The following LTF variants were observed in gnomAD, a reference collection of about 807,000 sequenced individuals.
LTF encodes the protein epididymis luminal protein 110.
LTF carries 91 observed loss-of-function variants against 87.2 expected under a neutral mutation model. That is an observed-to-expected ratio of 1.04 (90% CI 0.88 to 1.24). LTF has a LOEUF of 1.24. LTF is among the 50% of genes most tolerant of loss of function. LTF has a pLI of 0.00. For missense variants in LTF, 901 were observed against 904.3 expected (o/e 1.00, Z 0.05); for synonymous variants, 378 against 356.1 (o/e 1.06, Z -0.69).
upstream of LTF, among the ~76,000 whole-genome samples, chr3:46,466,272 A>G (rs1363687353): frequency 1.3e-5 from 2 of 152,158 alleles, no homozygotes; most frequent in East Asian, 3.9e-4. Flanking sequence ...AACTAAGTGA[A>G]GAAAAAAGGT....
intron 1 of LTF, among the ~76,000 whole-genome samples, chr3:46,461,808 CA>C (rs1397648641): frequency 6.6e-6 from 1 of 152,018 alleles, no homozygotes; most frequent in Non-Finnish European, 1.5e-5. Context: ...AAGCTGTTAC[CA>C]AAAACTAAAA....
chr3:46,444,351 T>G (rs921167447), intron 12 of LTF, among the ~76,000 whole-genome samples: 1 of 152,256 alleles, frequency 6.6e-6, no homozygotes, highest in Admixed American at 6.5e-5. Context: ...CTGTCTTGTT[T>G]AAGCCTCTAC....
chr3:46,465,309 A>G (rs1335840563), upstream of LTF: 1 of 182,298 alleles, frequency 5.5e-6, no homozygotes, highest in African/African-American at 2.4e-5. Context: ...CCTAGGAGCC[A>G]GTTAGGGCAG....
rs776736291 is a variant in LTF at position 46,459,647 on chromosome 3, T to C, written c.207+9A>G. On this transcript the variant is annotated intron_variant, in intron 2 of 16. Coordinates refer to ENST00000231751, the MANE Select transcript of LTF (RefSeq NM_002343.6). Reference sequence around the variant, plus strand: ...GCTTGGTCCCAACCAACACCCGGCATTGACTCACCGCAATGGCCTGGATAC... The same window carrying C: ...GCTTGGTCCCAACCAACACCCGGCACTGACTCACCGCAATGGCCTGGATAC... The C allele has an allele frequency of 6.9e-7, 1 of 1,439,164 alleles. No homozygotes were observed. The highest frequency in any genetic ancestry group is 1.6e-5 in the South Asian group (1 of 62,784). The allele number at this position is 1,439,164 out of a possible 1,614,324, so 89.1% of individuals were successfully genotyped here.
At chr3:46,448,659 C>T (rs1376750188) in intron 9 of LTF, among the ~76,000 whole-genome samples, 6 of 152,182 alleles carry the variant, frequency 3.9e-5, no homozygotes, top group African/African-American at 1.4e-4. Flanking sequence ...CTGAGTTGTT[C>T]TTATAACCAG....
rs1407889055 is a variant in LTF at position 46,455,983 on chromosome 3, A to C, written c.317-5T>G. 2.6e-6 allele frequency: 4 copies of C among 1,566,382 alleles called. No individual in the cohort carries two copies. The South Asian group carries it at 3.6e-5, about 14-fold the overall frequency. On this transcript the variant is annotated splice_region_variant and splice_polypyrimidine_tract_variant and intron_variant, in intron 3 of 16. Transcript: ENST00000231751. ...CATAATAGTGAGTTCGTGGCTCTGC[A>C]AAGGGGCAGACAGAATTGAAAGTTC...
At chr3:46,463,245 G>A (rs918687044) in intron 1 of LTF, among the ~76,000 whole-genome samples, 4 of 152,238 alleles carry the variant, frequency 2.6e-5, no homozygotes, top group African/African-American at 9.7e-5. Flanking sequence ...CAGACATGCA[G>A]TGCGCTGGCC....
intron 8 of LTF, among the ~76,000 whole-genome samples, chr3:46,449,251 T>C (rs1702738371): frequency 6.6e-6 from 1 of 152,174 alleles, no homozygotes; most frequent in Admixed American, 6.5e-5. Flanking sequence ...TTCCCTGGCT[T>C]CTAATCTATC....
intron 4 of LTF, 80 bp downstream of exon 4, chr3:46,455,716 G>A: frequency 7.0e-7 from 1 of 1,438,116 alleles, no homozygotes; most frequent in Non-Finnish European, 9.4e-7. Context: ...ACTTTCACCT[G>A]CATGATCTGT....
intron 6 of LTF, 187 bp downstream of exon 6, chr3:46,454,118 A>T: frequency 1.6e-6 from 1 of 615,862 alleles, no homozygotes; most frequent in Non-Finnish European, 2.9e-6. Flanking sequence ...GAAAGGCAGT[A>T]GGCACAGGAG....
chr3:46,482,723 A>AAAGGAAGGAAGGAAGG (rs201712553), intron 1 of LTF, among the ~76,000 whole-genome samples: 3 of 111,620 alleles, frequency 2.7e-5, no homozygotes, highest in African/African-American at 1.0e-4. Context: ...AAAGAGAAAG[A>AAAGGAAGGAAGGAAGG]AAGGAAGGAA....
intron 1 of LTF, among the ~76,000 whole-genome samples, chr3:46,478,282 G>A (rs1000101045): frequency 3.3e-5 from 5 of 152,008 alleles, no homozygotes; most frequent in South Asian, 2.1e-4. Context: ...ACCCAGCTGC[G>A]TCCCGACTGT....
At chr3:46,436,812 T>C (rs1294597946) in intron 16 of LTF, among the ~76,000 whole-genome samples, 1 of 152,124 alleles carries the variant, frequency 6.6e-6, no homozygotes, top group East Asian at 1.9e-4. Context: ...CAGAAAAGGG[T>C]TTCTCAACCT....
At position 46,437,983 on chromosome 3, in the gene LTF, C is replaced by T. The variant is rs573954054; in HGVS notation, c.2055G>A (p.Gln685=). The change falls in exon 16 of 17, where the codon CAG becomes CAA. Residue 685 remains glutamine, a synonymous_variant. Coordinates refer to ENST00000231751, the MANE Select transcript of LTF (RefSeq NM_002343.6). The part of the protein sequence containing the change: ...KTTYEKYLGP[Q]YVAGITNLKK... Reference sequence around the variant, plus strand: ...TCAGATTAGTAATGCCTGCGACATACTGTGGTCCCAAATATTTTTCATATG... The same window carrying T: ...TCAGATTAGTAATGCCTGCGACATATTGTGGTCCCAAATATTTTTCATATG... The T allele has an allele frequency of 1.5e-5, 25 of 1,614,070 alleles. No homozygotes were observed. The East Asian group carries it at 2.7e-4, about 17-fold the overall frequency.
Position 46,482,591 on chromosome 3 carries a change from G to GA in LTF, c.-320+2394dup, listed in dbSNP as rs1186577457. 4.1e-3 allele frequency among the ~76,000 whole-genome samples: 388 copies of GA among 94,220 alleles called. 80 individuals are homozygous for GA. The highest frequency in any genetic ancestry group is 0.012 in the East Asian group (24 of 2,004). The allele number at this position is 94,220 out of a possible 152,430, so 61.8% of individuals were successfully genotyped here. A position where few individuals can be genotyped will look rare whatever the true frequency, so the allele number is the denominator to read the frequency against. Reference sequence around the variant, plus strand: ...AAGGGAAAGGAAAGGAAGGGAGAAAGAGAGAGAAAGAAAGAAAGAAGAAAG... The same window carrying GA: ...AAGGGAAAGGAAAGGAAGGGAGAAAGAAGAGAGAAAGAAAGAAAGAAGAAAG... On this transcript the variant is annotated intron_variant, in intron 1 of 19. Transcript: ENST00000443496.
chr3:46,451,493 T>C (rs1381065580), intron 6 of LTF, among the ~76,000 whole-genome samples: 1 of 152,244 alleles, frequency 6.6e-6, no homozygotes, highest in East Asian at 1.9e-4. Context: ...TGAGATCGTC[T>C]TCATCTTAAT....
chr3:46,471,949 G>A (rs1473243161), intron 1 of LTF, among the ~76,000 whole-genome samples: 1 of 152,178 alleles, frequency 6.6e-6, no homozygotes, highest in Non-Finnish European at 1.5e-5. Flanking sequence ...TTAAGGCCGA[G>A]ATGCTGTCAT....
chr3:46,439,400 C>T lies in LTF; in HGVS notation c.1804G>A (p.Val602Met). ...LLCLDGKRKP[V>M]TEARSCHLAM... ...AGATGGCAGCTTCTAGCCTCAGTCA[C>T]AGGCTTCCGTTTGCCATCGAGGCAC... is the stretch of plus-strand genomic sequence containing the variant. The change falls in exon 15 of 17, where the codon GTG becomes ATG. Residue 602 changes from valine to methionine, a missense_variant. By Grantham distance (21) the Val-to-Met change is conservative. Transcript: ENST00000231751. The T allele has an allele frequency of 6.2e-7, 1 of 1,614,264 alleles. No homozygotes were observed. Among genetic ancestry groups the T allele is most frequent in the Non-Finnish European group, 8.5e-7 (1 of 1,180,038 alleles).
At chr3:46,438,915 G>A (rs1020247366) in intron 15 of LTF, among the ~76,000 whole-genome samples, 2 of 152,114 alleles carry the variant, frequency 1.3e-5, no homozygotes, top group African/African-American at 2.4e-5. Flanking sequence ...CTGTTCACTC[G>A]GCCCAGGTTC....
Sources: allele counts gnomAD v4.1 joint callset (sites outside exome capture counted in the v4.1 genomes callset), GRCh38; gene constraint gnomAD v4.1.1; transcripts MANE v1.5; gene names NCBI Gene and HGNC (gene_info 2026-07-23, HGNC 2026-07-21).